The following EFCAB6 variants were observed in gnomAD, a reference collection of about 807,000 sequenced individuals.
EFCAB6 encodes the protein EF-hand calcium-binding domain-containing protein 6.
Under a neutral mutation model 169.8 loss-of-function variants are expected in EFCAB6, and 156 were observed. The observed-to-expected ratio is 0.92, with a 90% CI of 0.81 to 1.05. The LOEUF is 1.05. Among genes scored for constraint, EFCAB6 ranks in the 50% least tolerant of loss-of-function variants. EFCAB6 has a pLI of 0.00. For missense variants in EFCAB6, 1,800 were observed against 1,829.1 expected (o/e 0.98, Z 0.29); for synonymous variants, 698 against 676.4 (o/e 1.03, Z -0.50).
chr22:43,565,734 T>G (rs1432387306), intron 26 of EFCAB6, among the ~76,000 whole-genome samples: 3 of 151,948 alleles, frequency 2.0e-5, no homozygotes, highest in Admixed American at 1.3e-4. Context: ...ATTATATGGT[T>G]TTTTTCTATG....
At chr22:43,547,008 C>T (rs1017605457) in intron 27 of EFCAB6, among the ~76,000 whole-genome samples, 4 of 151,766 alleles carry the variant, frequency 2.6e-5, no homozygotes, top group African/African-American at 4.8e-5. Flanking sequence ...AAATACTTCA[C>T]GGAGAAAGAA....
At chr22:43,638,541 C>G (rs1339790108) in intron 17 of EFCAB6, among the ~76,000 whole-genome samples, 2 of 152,142 alleles carry the variant, frequency 1.3e-5, no homozygotes, top group Non-Finnish European at 2.9e-5. Flanking sequence ...AGAGCGAGCC[C>G]AATGATGAAA....
At chr22:43,726,275 C>CCAAAAAAAAAAAAAAAAAAAAAAAAA (rs2059726915) in intron 8 of EFCAB6, among the ~76,000 whole-genome samples, 2 of 54,402 alleles carry the variant, frequency 3.7e-5, no homozygotes, top group African/African-American at 1.0e-4. Context: ...TAAAAATTCA[C>CCAAAAAAAAAAAAAAAAAAAAAAAAA]CAAAAAAAAA....
intron 21 of EFCAB6, among the ~76,000 whole-genome samples, chr22:43,611,974 T>A (rs2053341208): frequency 6.6e-6 from 1 of 151,964 alleles, no homozygotes; most frequent in African/African-American, 2.4e-5. Flanking sequence ...CATAGACCAG[T>A]GGAATAGAAT....
At chr22:43,705,579 G>GA (rs2058924967) in intron 10 of EFCAB6, among the ~76,000 whole-genome samples, 1 of 151,872 alleles carries the variant, frequency 6.6e-6, no homozygotes, top group Admixed American at 6.6e-5. Context: ...AATTTTGAAA[G>GA]AAAAATCACA....
chr22:43,776,351 G>T (rs1349270258), intron 3 of EFCAB6, among the ~76,000 whole-genome samples: 19 of 152,276 alleles, frequency 1.2e-4, no homozygotes, highest in Middle Eastern at 3.4e-3. Flanking sequence ...AGCCCTGACG[G>T]TACTGCAGTG....
intron 27 of EFCAB6, among the ~76,000 whole-genome samples, chr22:43,546,785 A>C (rs2048081669): frequency 6.6e-6 from 1 of 151,874 alleles, no homozygotes; most frequent in Non-Finnish European, 1.5e-5. Flanking sequence ...AGGCAAGAGA[A>C]TCACTTGAAC....
intron 12 of EFCAB6, among the ~76,000 whole-genome samples, chr22:43,679,050 AGT>A: frequency 6.6e-6 from 1 of 152,246 alleles, no homozygotes; most frequent in Non-Finnish European, 1.5e-5. Flanking sequence ...CTAAACTTTA[AGT>A]TACTTTAATA....
intron 26 of EFCAB6, among the ~76,000 whole-genome samples, chr22:43,574,312 GA>G (rs1008728409): frequency 8.8e-5 from 13 of 147,278 alleles, no homozygotes; most frequent in Middle Eastern, 3.5e-3. Flanking sequence ...AAATGCGTTA[GA>G]AAAAAAAAAA....
chr22:43,561,572 G>A (rs1368003510), intron 26 of EFCAB6, among the ~76,000 whole-genome samples: 1 of 152,066 alleles, frequency 6.6e-6, no homozygotes, highest in Non-Finnish European at 1.5e-5. Flanking sequence ...GTTGCTGGTG[G>A]GAGAGCGCCT....
At chr22:43,665,025 T>C (rs2148186389) in intron 17 of EFCAB6, among the ~76,000 whole-genome samples, 1 of 152,278 alleles carries the variant, frequency 6.6e-6, no homozygotes, top group African/African-American at 2.4e-5. Context: ...GTTGGTGAAT[T>C]GGATGTGGGT....
intron 30 of EFCAB6, among the ~76,000 whole-genome samples, chr22:43,532,727 T>A (rs2047152970): frequency 6.6e-6 from 1 of 152,152 alleles, no homozygotes; most frequent in Admixed American, 6.5e-5. Context: ...GGCATCTACT[T>A]AACTGTGGCT....
chr22:43,754,267 A>G (rs180856678), intron 6 of EFCAB6, among the ~76,000 whole-genome samples: 2 of 152,212 alleles, frequency 1.3e-5, no homozygotes, highest in Admixed American at 6.5e-5. Flanking sequence ...GGTGGCTGTT[A>G]TCCCCACTGA....
chr22:43,751,869 A>G (rs2060780674), intron 6 of EFCAB6, among the ~76,000 whole-genome samples: 1 of 152,196 alleles, frequency 6.6e-6, no homozygotes. Context: ...ATGGGATAAC[A>G]ACGGCACCTG....
intron 25 of EFCAB6, among the ~76,000 whole-genome samples, chr22:43,576,737 G>A (rs1326851153): frequency 1.3e-5 from 2 of 152,166 alleles, no homozygotes; most frequent in Non-Finnish European, 2.9e-5. Context: ...GATGTGAGGA[G>A]GAAGGAGAAT....
At chr22:43,582,341 TACACAC>T (rs34578401) in intron 24 of EFCAB6, among the ~76,000 whole-genome samples, 5 of 148,266 alleles carry the variant, frequency 3.4e-5, no homozygotes, top group African/African-American at 9.9e-5. Context: ...TCTATACACA[TACACAC>T]ACACACACAC....
Position 43,534,880 on chromosome 22 carries a change from A to T in EFCAB6, c.4049-8T>A, listed in dbSNP as rs1331079231. Reference sequence around the variant, plus strand: ...TGAATTTCTCCACAAGAGCTACAGAAAAAAATGGCAGTTCAATTGGTGGCG... The same window carrying T: ...TGAATTTCTCCACAAGAGCTACAGATAAAAATGGCAGTTCAATTGGTGGCG... On this transcript the variant is annotated splice_region_variant and splice_polypyrimidine_tract_variant and intron_variant, in intron 29 of 31. Coordinates refer to ENST00000262726, the MANE Select transcript of EFCAB6 (RefSeq NM_022785.4). 1.3e-6 allele frequency: 2 copies of T among 1,593,114 alleles called. No individual in the cohort carries two copies. The highest frequency in any genetic ancestry group is 2.7e-5 in the African/African-American group (2 of 73,854).
At chr22:43,736,381 T>C (rs1007737212) in intron 6 of EFCAB6, among the ~76,000 whole-genome samples, 1 of 152,220 alleles carries the variant, frequency 6.6e-6, no homozygotes, top group Non-Finnish European at 1.5e-5. Flanking sequence ...TGCAAACTAT[T>C]TTTAATAGGA....
Position 43,703,809 on chromosome 22 carries a change from C to G in EFCAB6, c.1031+7666G>C, listed in dbSNP as rs116586133. 2.8e-3 allele frequency among the ~76,000 whole-genome samples: 430 copies of G among 151,006 alleles called. 2 individuals carry two copies. The highest frequency in any genetic ancestry group is 9.9e-3 in the African/African-American group (406 of 41,198). On this transcript the variant is annotated intron_variant, in intron 10 of 31. Transcript: ENST00000262726. The stretch of plus-strand genomic sequence containing the variant: ...TGAAGATAAAACATTTGAGATGATC[C>G]AATCAGAGGAACAAAAGGAAAAAAA...
Sources: allele counts gnomAD v4.1 joint callset (sites outside exome capture counted in the v4.1 genomes callset), GRCh38; gene constraint gnomAD v4.1.1; transcripts MANE v1.5; gene names NCBI Gene and HGNC (gene_info 2026-07-23, HGNC 2026-07-21).